Variants in TMEM178B observed in about 807,000 individuals in gnomAD.
TMEM178B encodes transmembrane protein 178B.
TMEM178B carries 5 observed loss-of-function variants against 31.0 expected under a neutral mutation model. That is an observed-to-expected ratio of 0.16 (90% CI 0.08 to 0.34). The LOEUF is 0.34. Among genes scored for constraint, TMEM178B ranks in the 10% least tolerant of loss-of-function variants. TMEM178B has a pLI of 1.00. For synonymous variants in TMEM178B, 164 were observed against 164.0 expected (o/e 1.00, Z 0.00); for missense variants, 275 against 400.3 (o/e 0.69, Z 2.67).
intron 2 of TMEM178B, 45 bp from the exon 3 acceptor site, chr7:141,437,563 G>A (rs1801569459): frequency 1.3e-6 from 2 of 1,533,202 alleles, no homozygotes; most frequent in Non-Finnish European, 1.7e-6. Context: ...CTGGCCCTCA[G>A]TCCCAGGCTC....
intron 2 of TMEM178B, among the ~76,000 whole-genome samples, chr7:141,216,444 TGTGTGCGCGC>T (rs1223555155): frequency 1.1e-4 from 6 of 53,954 alleles, no homozygotes; most frequent in African/African-American, 2.7e-4. Flanking sequence ...TGTGTGTGTG[TGTGTGCGCGC>T]GCGCGCGCGT....
intron 2 of TMEM178B, among the ~76,000 whole-genome samples, chr7:141,269,699 T>G (rs1460523230): frequency 6.6e-6 from 1 of 152,212 alleles, no homozygotes; most frequent in Admixed American, 6.5e-5. Flanking sequence ...CAGGACAGAT[T>G]TCCCTAGATA....
chr7:141,168,850 C>T (rs1005773753), intron 1 of TMEM178B, among the ~76,000 whole-genome samples: 8 of 151,878 alleles, frequency 5.3e-5, no homozygotes, highest in East Asian at 3.9e-4. Context: ...TAATTTTTAT[C>T]GGGACATAAT....
At position 141,479,759 on chromosome 7, in the gene TMEM178B, A is replaced by T. The variant is rs552324193; in HGVS notation, c.*8973A>T. On this transcript the variant is annotated 3_prime_UTR_variant, in exon 4 of 4. Coordinates refer to ENST00000565468, the MANE Select transcript of TMEM178B (RefSeq NM_001195278.2). ...GCCTGGAGTGTTTATGGCCCACCAG[A>T]TTATTGCTCAGTCAATATAAATTTA... 1.2e-4 allele frequency: 18 copies of T among 152,304 alleles called. No individual in the cohort carries two copies. Among genetic ancestry groups the T allele is most frequent in the Admixed American group, 5.2e-4 (8 of 15,300 alleles). 9.4% of individuals were successfully genotyped at this position (152,304 alleles called of 1,614,324 possible).
At chr7:141,100,785 A>G (rs949641684) in intron 1 of TMEM178B, among the ~76,000 whole-genome samples, 2 of 152,226 alleles carry the variant, frequency 1.3e-5, no homozygotes, top group Non-Finnish European at 2.9e-5. Context: ...AGAATGTGTG[A>G]CAATAAACTG....
chr7:141,424,617 T>C (rs1328169510), intron 2 of TMEM178B, among the ~76,000 whole-genome samples: 1 of 152,172 alleles, frequency 6.6e-6, no homozygotes, highest in Non-Finnish European at 1.5e-5. Context: ...ATTGTTAAAG[T>C]AACACATCCT....
chr7:141,205,413 C>T (rs1294812311), intron 1 of TMEM178B, among the ~76,000 whole-genome samples: 2 of 152,190 alleles, frequency 1.3e-5, no homozygotes, highest in Admixed American at 6.5e-5. Flanking sequence ...CCTGTCAGCA[C>T]CAGGTGCCCA....
At chr7:141,345,291 G>A (rs1257279780) in intron 2 of TMEM178B, among the ~76,000 whole-genome samples, 1 of 152,174 alleles carries the variant, frequency 6.6e-6, no homozygotes, top group Non-Finnish European at 1.5e-5. Flanking sequence ...AATAAAGTTA[G>A]AGAGGGAGTT....
the TMEM178B span, among the ~76,000 whole-genome samples, chr7:141,497,884 G>A: frequency 6.6e-6 from 1 of 152,306 alleles, no homozygotes; most frequent in Non-Finnish European, 1.5e-5. Flanking sequence ...TACAACTCAT[G>A]GACAAAAGCA....
intron 2 of TMEM178B, among the ~76,000 whole-genome samples, chr7:141,228,909 G>A (rs901074948): frequency 2.0e-5 from 3 of 152,072 alleles, no homozygotes; most frequent in African/African-American, 7.3e-5. Flanking sequence ...AACAGACGGG[G>A]CACCCCTTTT....
At chr7:141,201,856 G>A (rs1796883357) in intron 1 of TMEM178B, among the ~76,000 whole-genome samples, 1 of 152,146 alleles carries the variant, frequency 6.6e-6, no homozygotes. Flanking sequence ...GAAAATCCCT[G>A]CAAATGGAAA....
chr7:141,443,462 A>G (rs1801697811), intron 3 of TMEM178B, among the ~76,000 whole-genome samples: 1 of 152,160 alleles, frequency 6.6e-6, no homozygotes. Context: ...GCAGTTTGAA[A>G]GAGTACTAGT....
At chr7:141,467,730 T>G (rs1309116430) in intron 3 of TMEM178B, among the ~76,000 whole-genome samples, 2 of 152,280 alleles carry the variant, frequency 1.3e-5, no homozygotes, top group African/African-American at 4.8e-5. Flanking sequence ...TGGTCTGCCC[T>G]CCGACAGCCG....
chr7:141,347,312 A>G (rs929456136), intron 2 of TMEM178B, among the ~76,000 whole-genome samples: 1 of 152,122 alleles, frequency 6.6e-6, no homozygotes, highest in Non-Finnish European at 1.5e-5. Flanking sequence ...ATTTAAATGT[A>G]GTGTGGAGGA....
At chr7:141,279,924 T>C (rs1586867251) in intron 2 of TMEM178B, among the ~76,000 whole-genome samples, 1 of 152,274 alleles carries the variant, frequency 6.6e-6, no homozygotes, top group Non-Finnish European at 1.5e-5. Flanking sequence ...TCGTTGACTT[T>C]GTGTAATACA....
intron 1 of TMEM178B, among the ~76,000 whole-genome samples, chr7:141,130,548 T>TG (rs1795577706): frequency 6.6e-6 from 1 of 152,246 alleles, no homozygotes; most frequent in South Asian, 2.1e-4. Context: ...TTCCATTATA[T>TG]GACTATACCA....
At chr7:141,200,810 G>T (rs1302904909) in intron 1 of TMEM178B, among the ~76,000 whole-genome samples, 1 of 152,154 alleles carries the variant, frequency 6.6e-6, no homozygotes, top group East Asian at 1.9e-4. Context: ...CGGAATGATG[G>T]CACCCAAAGT....
intron 1 of TMEM178B, among the ~76,000 whole-genome samples, chr7:141,196,301 A>G (rs1796782488): frequency 6.6e-6 from 1 of 151,986 alleles, no homozygotes; most frequent in Non-Finnish European, 1.5e-5. Flanking sequence ...GCAATGCTGT[A>G]TTGAATATCC....
intron 2 of TMEM178B, among the ~76,000 whole-genome samples, chr7:141,395,577 A>G (rs1333586478): frequency 1.3e-5 from 2 of 152,154 alleles, no homozygotes; most frequent in Non-Finnish European, 2.9e-5. Context: ...AGGACAAGGA[A>G]GCTGCAGCCT....
Sources: allele counts gnomAD v4.1 joint callset (sites outside exome capture counted in the v4.1 genomes callset), GRCh38; gene constraint gnomAD v4.1.1; transcripts MANE v1.5; gene names NCBI Gene and HGNC (gene_info 2026-07-23, HGNC 2026-07-21).